The following PPP3CC variants were observed in gnomAD, a reference collection of about 807,000 sequenced individuals.
PPP3CC encodes protein phosphatase 3 catalytic subunit gamma.
PPP3CC carries 35 observed loss-of-function variants against 60.3 expected under a neutral mutation model. That is an observed-to-expected ratio of 0.58 (90% CI 0.44 to 0.77). PPP3CC has a LOEUF of 0.77. Ranked by LOEUF, PPP3CC falls within the 30% of genes least tolerant of loss-of-function variation. The pLI, the probability that PPP3CC is intolerant of heterozygous loss-of-function variation, is 0.00. For missense variants in PPP3CC, 570 were observed against 628.9 expected, an observed-to-expected ratio of 0.91 and a Z score of 1.00; for synonymous variants, 206 against 224.3, an observed-to-expected ratio of 0.92 and a Z score of 0.73.
intron 1 of PPP3CC, among the ~76,000 whole-genome samples, chr8:22,450,137 G>C (rs1836966962): frequency 6.6e-6 from 1 of 151,976 alleles, no homozygotes; most frequent in African/African-American, 2.4e-5. Context: ...CCAAAGTGCT[G>C]GGATTACAGG....
intron 1 of PPP3CC, among the ~76,000 whole-genome samples, chr8:22,467,036 A>G (rs1223539159): frequency 6.6e-6 from 1 of 152,220 alleles, no homozygotes; most frequent in African/African-American, 2.4e-5. Flanking sequence ...GTGAGTCACC[A>G]TGCCTGGCTG....
chr8:22,478,186 C>T (rs1837955435), intron 3 of PPP3CC, among the ~76,000 whole-genome samples: 1 of 149,678 alleles, frequency 6.7e-6, no homozygotes, highest in Admixed American at 6.7e-5. Flanking sequence ...GAGTCTTGCT[C>T]TGTTGCCCTG....
At position 22,505,552 on chromosome 8, in the gene PPP3CC, A is replaced by C. The variant is rs536642651; in HGVS notation, c.485-5534A>C. 5.3e-5 allele frequency among the ~76,000 whole-genome samples: 8 copies of C among 152,346 alleles called. No individual in the cohort carries two copies. In the East Asian group the frequency reaches 1.5e-3, roughly 29 times the overall value. On this transcript the variant is annotated intron_variant, in intron 4 of 13. Transcript: ENST00000240139. ...CGAAATACTAGGTAAATGTTAAAAA[A>C]ATTACAAAGCTCTCCTGTAGGGGAG...
rs1392138572 is a variant in PPP3CC at position 22,481,524 on chromosome 8, G to T, written c.372+5900G>T. ...AGGGCAACACAGAAATTATCTTGAT[G>T]AAATGTGGAAGTTTTGTGTTCTTTT... On this transcript the variant is annotated intron_variant, in intron 3 of 13. Coordinates refer to ENST00000240139, the MANE Select transcript of PPP3CC (RefSeq NM_005605.5). Among the ~76,000 whole-genome samples, 26 of 151,002 alleles carry T rather than the reference G, an allele frequency of 1.7e-4. 1 individual carries two copies. The highest frequency in any genetic ancestry group is 1.7e-3 in the Admixed American group (26 of 15,156).
intron 10 of PPP3CC, among the ~76,000 whole-genome samples, chr8:22,530,438 G>A (rs1031104317): frequency 1.7e-4 from 26 of 151,796 alleles, no homozygotes; most frequent in African/African-American, 6.1e-4. Context: ...CTGGCCAACA[G>A]AGGGAGACCC....
At chr8:22,443,122 C>T (rs1036869358) in intron 1 of PPP3CC, among the ~76,000 whole-genome samples, 1 of 152,048 alleles carries the variant, frequency 6.6e-6, no homozygotes, top group Non-Finnish European at 1.5e-5. Flanking sequence ...ATGTAATTTC[C>T]ACCATAACAT....
At chr8:22,479,592 A>C (rs1179905884) in intron 3 of PPP3CC, among the ~76,000 whole-genome samples, 1 of 152,000 alleles carries the variant, frequency 6.6e-6, no homozygotes, top group Non-Finnish European at 1.5e-5. Context: ...AAAAATACAA[A>C]AATTAGCCAG....
At chr8:22,468,615 A>AT (rs11454840) in intron 1 of PPP3CC, among the ~76,000 whole-genome samples, 8,832 of 152,184 alleles carry the variant, frequency 0.058, 854 homozygotes, top group African/African-American at 0.2. Flanking sequence ...ATTTTGAAAC[A>AT]TTGGGAATAT....
In PPP3CC at chr8:22,486,463, T is replaced by G. The variant is rs75384921; in HGVS notation, c.372+10839T>G. Among the ~76,000 whole-genome samples, 110 of 152,254 alleles carry G rather than the reference T, an allele frequency of 7.2e-4. 2 individuals carry two copies. In the East Asian group the frequency reaches 0.02, roughly 28 times the overall value. ...CTCTGCTGGGTTTTTGTTTGTTTGT[T>G]TGCTTTTGGAAACACTCTTTCTTGA... On this transcript the variant is annotated intron_variant, in intron 3 of 13. Transcript: ENST00000240139.
chr8:22,458,251 C>T (rs1410109225), intron 1 of PPP3CC, among the ~76,000 whole-genome samples: 2 of 152,032 alleles, frequency 1.3e-5, no homozygotes, highest in Non-Finnish European at 2.9e-5. Context: ...CACTTTCAAA[C>T]GTTACTCAAA....
rs566394062 is a variant in PPP3CC at position 22,476,557 on chromosome 8, C to G, written c.372+933C>G. On this transcript the variant is annotated intron_variant, in intron 3 of 13. Coordinates refer to ENST00000240139, the MANE Select transcript of PPP3CC (RefSeq NM_005605.5). Reference sequence around the variant, plus strand: ...TGCCCAAGCAAAGGAGCAGCAGTTGCTCTATTGCTGTAGAAAAAATAAGCA... The same window carrying G: ...TGCCCAAGCAAAGGAGCAGCAGTTGGTCTATTGCTGTAGAAAAAATAAGCA... Among the ~76,000 whole-genome samples, 43 of 152,278 alleles carry G rather than the reference C, an allele frequency of 2.8e-4. No homozygotes were observed. In the South Asian group the frequency reaches 8.1e-3, roughly 29 times the overall value.
chr8:22,466,367 G>T (rs933580735), intron 1 of PPP3CC, among the ~76,000 whole-genome samples: 3 of 152,156 alleles, frequency 2.0e-5, no homozygotes, highest in African/African-American at 7.2e-5. Context: ...TGGGATTGCT[G>T]GGTCAAATGG....
intron 1 of PPP3CC, among the ~76,000 whole-genome samples, chr8:22,465,267 T>C (rs1837485142): frequency 1.3e-5 from 2 of 152,116 alleles, no homozygotes; most frequent in Non-Finnish European, 2.9e-5. Flanking sequence ...GGCCTTAGAC[T>C]CTACTTCTTG....
At chr8:22,486,193 G>C (rs1342088810) in intron 3 of PPP3CC, among the ~76,000 whole-genome samples, 1 of 152,126 alleles carries the variant, frequency 6.6e-6, no homozygotes, top group Non-Finnish European at 1.5e-5. Context: ...GTTTATAGCA[G>C]GTCATGCTAT....
intron 12 of PPP3CC, among the ~76,000 whole-genome samples, chr8:22,538,647 A>G (rs774109658): frequency 4.6e-5 from 7 of 152,128 alleles, no homozygotes; most frequent in Admixed American, 2.6e-4. Flanking sequence ...GTACCTTTTC[A>G]TATATTAGCG....
rs766431729 is a variant in PPP3CC at position 22,532,288 on chromosome 8, G to A, written c.1205G>A (p.Arg402Gln). 3.1e-6 allele frequency: 5 copies of A among 1,612,554 alleles called. No individual in the cohort carries two copies. The highest frequency in any genetic ancestry group is 1.1e-5 in the South Asian group (1 of 91,020). ...ATCAGAGCCATTGGGAAGATGGCACGGGTCTTTTCAATTCTTCGGTAAGGA... is the reference window on the plus strand; with the variant it reads ...ATCAGAGCCATTGGGAAGATGGCACAGGTCTTTTCAATTCTTCGGTAAGGA... ...NKIRAIGKMA[R>Q]VFSILRQESE... Residue 402 changes from arginine (R) to glutamine (Q), a missense_variant, in exon 11 of 14, where the codon CGG becomes CAG. By Grantham distance (43) the Arg-to-Gln change is conservative (BLOSUM62 1). Transcript: ENST00000240139.
At chr8:22,515,152 A>G (rs544533287) in intron 6 of PPP3CC, among the ~76,000 whole-genome samples, 2 of 152,088 alleles carry the variant, frequency 1.3e-5, no homozygotes, top group East Asian at 3.9e-4. Flanking sequence ...GGTAACCATC[A>G]TTCTACTCTC....
intron 9 of PPP3CC, 46 bp downstream of exon 9, chr8:22,527,563 G>A: frequency 6.3e-7 from 1 of 1,593,662 alleles, no homozygotes. Context: ...TGGTGACTGA[G>A]CATACCTTAT....
chr8:22,537,918 G>C (rs1319746799), intron 12 of PPP3CC, among the ~76,000 whole-genome samples: 1 of 152,200 alleles, frequency 6.6e-6, no homozygotes, highest in Non-Finnish European at 1.5e-5. Flanking sequence ...GAAATGGGAA[G>C]TGAGTGCTAA....
Sources: allele counts gnomAD v4.1 joint callset (sites outside exome capture counted in the v4.1 genomes callset), GRCh38; gene constraint gnomAD v4.1.1; transcripts MANE v1.5; gene names NCBI Gene and HGNC (gene_info 2026-07-23, HGNC 2026-07-21).